LRP8: variants seen among roughly 807,000 people sequenced by gnomAD.
LRP8 encodes LDL receptor related protein 8.
Under a neutral mutation model 111.6 loss-of-function variants are expected in LRP8, and 46 were observed. That is an observed-to-expected ratio of 0.41 (90% CI 0.33 to 0.53). The LOEUF (loss-of-function observed/expected upper bound fraction) is 0.53. LRP8 is among the 20% of genes least tolerant of loss of function. The probability of loss-of-function intolerance (pLI) is 0.20; values close to 1 mark genes in which losing one functional copy is unlikely to be tolerated. For missense variants in LRP8, 959 were observed against 1,297.4 expected (o/e 0.74, Z 4.01); for synonymous variants, 464 against 511.2 (o/e 0.91, Z 1.24).
intron 10 of LRP8, 148 bp downstream of exon 10, chr1:53,264,021 T>C (rs140118847): frequency 1.6e-5 from 12 of 732,558 alleles, no homozygotes; most frequent in African/African-American, 1.4e-4. Flanking sequence ...CAGAGAACCT[T>C]GGTTGGGGAT....
At position 53,315,785 on chromosome 1, in the gene LRP8, A is replaced by C. The variant is rs867206465; in HGVS notation, c.244+11088T>G. 2.8e-4 allele frequency among the ~76,000 whole-genome samples: 42 copies of C among 152,180 alleles called. 1 individual carries two copies. Among genetic ancestry groups the C allele is most frequent in the South Asian group, 2.7e-3 (13 of 4,832 alleles). ...TCTCAGAGCCCCAGAGCAGGAATAC[A>C]CCCAGATCACATGGCATGTTGGGGA... On this transcript the variant is annotated intron_variant, in intron 2 of 18. Coordinates refer to ENST00000306052, the MANE Select transcript of LRP8 (RefSeq NM_004631.5).
chr1:53,270,158 T>C (rs1170316702), intron 8 of LRP8, among the ~76,000 whole-genome samples: 1 of 152,028 alleles, frequency 6.6e-6, no homozygotes, highest in Non-Finnish European at 1.5e-5. Context: ...ACTGCTAGAG[T>C]AGGCAGACAG....
At position 53,275,794 on chromosome 1, in the gene LRP8, G is replaced by A. The variant is rs1264683961; in HGVS notation, c.884-41C>T. On this transcript the variant is annotated intron_variant, in intron 5 of 18. Coordinates refer to ENST00000306052, the MANE Select transcript of LRP8 (RefSeq NM_004631.5). The surrounding 1 kb of genome is among the most constrained non-coding windows in gnomAD (Gnocchi z 4.4). ...AAGGGGAGAGGATCAGAGTCAGTGTGGTGCTAGGACAATTTCCCCACCACC... is the reference window on the plus strand; with the variant it reads ...AAGGGGAGAGGATCAGAGTCAGTGTAGTGCTAGGACAATTTCCCCACCACC... 6.2e-7 allele frequency: 1 copy of A among 1,606,464 alleles called. No homozygotes were observed. The highest frequency in any genetic ancestry group is 8.5e-7 in the Non-Finnish European group (1 of 1,176,412).
intron 2 of LRP8, among the ~76,000 whole-genome samples, chr1:53,301,141 A>G (rs1238467461): frequency 3.9e-5 from 6 of 152,238 alleles, no homozygotes; most frequent in East Asian, 1.9e-4. Flanking sequence ...CAGGTGCTCA[A>G]TGGAGAGAGT....
At chr1:53,260,276 C>T (rs1033785466) in intron 13 of LRP8, among the ~76,000 whole-genome samples, 188 bp downstream of exon 13, 4 of 152,174 alleles carry the variant, frequency 2.6e-5, no homozygotes, top group African/African-American at 9.7e-5. Context: ...CCTTATTTCA[C>T]AAAGAACTTG....
intron 3 of LRP8, among the ~76,000 whole-genome samples, chr1:53,284,298 C>T (rs1022597975): frequency 1.3e-5 from 2 of 151,924 alleles, no homozygotes; most frequent in African/African-American, 2.4e-5. Context: ...GGGCCACTTA[C>T]TTACTACATA....
rs147637344 is a variant in LRP8 at position 53,260,554 on chromosome 1, G to A, written c.1966C>T (p.Arg656Trp). The A allele has an allele frequency of 9.9e-6, 16 of 1,614,100 alleles. No homozygotes were observed. In the East Asian group the frequency reaches 1.8e-4, roughly 18 times the overall value. ...LENEAIFSAN[R>W]LNGLEISILA... ...ATGGAGATTTCCAGGCCATTGAGCCGATTTGCACTGAAAATGGCCTCGTTC... is the reference window on the plus strand; with the variant it reads ...ATGGAGATTTCCAGGCCATTGAGCCAATTTGCACTGAAAATGGCCTCGTTC... The change falls in exon 13 of 19, where the codon CGG becomes TGG. Residue 656 changes from arginine to tryptophan, a missense_variant. Around this residue, in one of 3 missense-constraint regions of LRP8, gnomAD observed 819 missense variants for 1,097.6 expected, o/e 0.75. Transcript: ENST00000306052.
intron 4 of LRP8, among the ~76,000 whole-genome samples, chr1:53,280,204 C>G (rs1647060380): frequency 1.3e-5 from 2 of 152,174 alleles, no homozygotes; most frequent in African/African-American, 4.8e-5. Flanking sequence ...GTCCCCCTGC[C>G]CTTGCTCCAA....
Position 53,327,202 on chromosome 1 carries a change from G to C in LRP8, c.125-210C>G. The C allele has an allele frequency of 6.4e-6, 4 of 623,334 alleles. No homozygotes were observed. The South Asian group carries it at 8.1e-5, about 13-fold the overall frequency. 38.6% of individuals were successfully genotyped at this position (623,334 alleles called of 1,614,324 possible). A position where few individuals can be genotyped will look rare whatever the true frequency, so the allele number is the denominator to read the frequency against. The stretch of plus-strand genomic sequence containing the variant: ...CCGCTCGGTGGCACGGCGAGACCAG[G>C]CACCTACTTAAAGTGTCACACGACC... On this transcript the variant is annotated intron_variant, in intron 1 of 18. Coordinates refer to ENST00000306052, the MANE Select transcript of LRP8 (RefSeq NM_004631.5).
At chr1:53,285,863 G>A (rs1028283450) in intron 3 of LRP8, among the ~76,000 whole-genome samples, 3 of 152,146 alleles carry the variant, frequency 2.0e-5, no homozygotes, top group African/African-American at 7.2e-5. Flanking sequence ...GAATCCCACT[G>A]TCTCTCAGAC....
intron 6 of LRP8, among the ~76,000 whole-genome samples, chr1:53,272,101 C>CT (rs914250317): frequency 3.3e-5 from 5 of 151,852 alleles, no homozygotes; most frequent in Admixed American, 6.6e-5. Context: ...ACTCCTGGGC[C>CT]TTTTTTAACA....
intron 16 of LRP8, among the ~76,000 whole-genome samples, chr1:53,252,068 A>G (rs1157719137): frequency 6.6e-6 from 1 of 151,804 alleles, no homozygotes; most frequent in African/African-American, 2.4e-5. Flanking sequence ...AAGTAAATAA[A>G]TAAATACATA....
chr1:53,312,503 C>T (rs900223037), intron 2 of LRP8, among the ~76,000 whole-genome samples: 1 of 151,630 alleles, frequency 6.6e-6, no homozygotes, highest in Non-Finnish European at 1.5e-5. Context: ...TAGCTATAGG[C>T]ATGGACCATG....
chr1:53,291,979 A>G (rs1648862845), intron 2 of LRP8: 1 of 152,100 alleles, frequency 6.6e-6, no homozygotes, highest in African/African-American at 2.4e-5. Context: ...TCAGTGCGGG[A>G]CACTGAGCTA....
chr1:53,293,287 C>T lies in LRP8; in HGVS notation c.245-3598G>A, dbSNP rs1278147321. Among the ~76,000 whole-genome samples, 1 of 152,208 alleles carries T rather than the reference C, an allele frequency of 6.6e-6. No homozygotes were observed. Among genetic ancestry groups the T allele is most frequent in the Admixed American group, 6.5e-5 (1 of 15,282 alleles). On this transcript the variant is annotated intron_variant, in intron 2 of 18. Coordinates refer to ENST00000306052, the MANE Select transcript of LRP8 (RefSeq NM_004631.5). This position sits in a 1 kb window ranked among gnomAD's most constrained non-coding sequence, Gnocchi z 4.9. ...CCAAAGGGCAGCTTTGAGGTCAGCC[C>T]CGCCCAGGAAATGGCAGCTGCAGGG...
At chr1:53,256,151 T>C (rs899874614) in intron 15 of LRP8, among the ~76,000 whole-genome samples, 4 of 152,280 alleles carry the variant, frequency 2.6e-5, no homozygotes, top group African/African-American at 9.6e-5. Context: ...CTCCCTGTGG[T>C]GTGAAAAGGA....
intron 2 of LRP8, among the ~76,000 whole-genome samples, chr1:53,302,300 A>C (rs1259500228): frequency 1.3e-5 from 2 of 152,040 alleles, no homozygotes. Flanking sequence ...AAGCTCTTTA[A>C]CCGCCCCAGG....
At chr1:53,318,491 A>G (rs1361196544) in intron 2 of LRP8, among the ~76,000 whole-genome samples, 2 of 152,178 alleles carry the variant, frequency 1.3e-5, no homozygotes, top group African/African-American at 2.4e-5. Flanking sequence ...GCAGAACGGC[A>G]ATGATGAAAA....
At position 53,276,802 on chromosome 1, in the gene LRP8, G is replaced by A. The variant is rs1646935054; in HGVS notation, c.773C>T (p.Ala258Val). 7.6e-7 allele frequency: 1 copy of A among 1,315,084 alleles called. No homozygotes were observed. The highest frequency in any genetic ancestry group is 9.7e-7 in the Non-Finnish European group (1 of 1,029,156). 81.5% of individuals were successfully genotyped at this position (1,315,084 alleles called of 1,614,324 possible). ...GGCGAACTGGGAGGCGGTGGCGCAG[G>A]CGGCGGGCGCGGACGTGGCCCCGGG... ...PGPGATSAPA[A>V]CATASQFACR... The change falls in exon 5 of 19, where the codon GCC (alanine) becomes GTC (valine). Residue 258 changes from alanine (A) to valine (V), a missense_variant. Physicochemically the swap from Ala to Val is moderately conservative, Grantham distance 64. Transcript: ENST00000306052.
Sources: gnomAD v4.1 joint callset for allele counts (sites outside exome capture counted in the v4.1 genomes callset) on GRCh38, gnomAD v4.1.1 for gene constraint, gnomAD v4.1.1 regional missense constraint, Gnocchi (gnomAD v3.1) non-coding constraint, MANE v1.5 for transcripts, NCBI Gene and HGNC (gene_info 2026-07-23, HGNC 2026-07-21) for gene names.